The following PPIL4 variants were observed in gnomAD, a reference collection of about 807,000 sequenced individuals.
PPIL4 encodes peptidylprolyl isomerase like 4.
In PPIL4, 50 loss-of-function variants were observed where a neutral mutation model predicts 69.1. That is an observed-to-expected ratio of 0.72 (90% CI 0.58 to 0.92). The LOEUF is 0.92. PPIL4 is among the 40% of genes least tolerant of loss of function. PPIL4 has a pLI of 0.00. For synonymous variants in PPIL4, 193 were observed against 191.6 expected, an observed-to-expected ratio of 1.01 and a Z score of -0.06; for missense variants, 480 against 587.9, an observed-to-expected ratio of 0.82 and a Z score of 1.90.
intron 10 of PPIL4, among the ~76,000 whole-genome samples, chr6:149,519,231 G>A (rs772200233): frequency 2.0e-5 from 3 of 152,212 alleles, no homozygotes; most frequent in African/African-American, 7.2e-5. Context: ...ATCTGTGTAT[G>A]TGACTCTAGG....
At chr6:149,509,580 AAT>A (rs1776812654) in intron 12 of PPIL4, among the ~76,000 whole-genome samples, 1 of 152,256 alleles carries the variant, frequency 6.6e-6, no homozygotes, top group Non-Finnish European at 1.5e-5. Flanking sequence ...AGACTAAAGT[AAT>A]AGAGTACAGA....
intron 4 of PPIL4, among the ~76,000 whole-genome samples, chr6:149,538,402 G>C (rs996554449): frequency 1.3e-5 from 2 of 152,146 alleles, no homozygotes; most frequent in African/African-American, 2.4e-5. Context: ...TGTAGTCCCA[G>C]CTACTCAGGA....
intron 7 of PPIL4, among the ~76,000 whole-genome samples, chr6:149,531,340 G>C (rs1375318888): frequency 7.1e-6 from 1 of 140,578 alleles, no homozygotes; most frequent in African/African-American, 2.7e-5. Context: ...ACTCCAGCCT[G>C]ATAACAGAGC....
intron 10 of PPIL4, among the ~76,000 whole-genome samples, chr6:149,518,249 G>A (rs1411681879): frequency 1.3e-5 from 2 of 152,152 alleles, no homozygotes; most frequent in Non-Finnish European, 2.9e-5. Flanking sequence ...GAAAGGAAGA[G>A]CATTCAATGC....
chr6:149,523,387 A>G (rs1234775100), intron 9 of PPIL4, among the ~76,000 whole-genome samples: 2 of 152,218 alleles, frequency 1.3e-5, no homozygotes, highest in Admixed American at 6.5e-5. Context: ...AAGAATCCTT[A>G]GAGATCAATA....
intron 11 of PPIL4, among the ~76,000 whole-genome samples, chr6:149,513,415 A>G (rs1776891031): frequency 2.1e-5 from 1 of 47,658 alleles, no homozygotes; most frequent in Non-Finnish European, 4.7e-5. Context: ...AAAAAAAAAT[A>G]TATATATATA....
chr6:149,505,554 T>C lies in PPIL4; in HGVS notation c.1378A>G (p.Lys460Glu), dbSNP rs748632952. 2 of 1,614,162 alleles carry C rather than the reference T, an allele frequency of 1.2e-6. No individual in the cohort carries two copies. Among genetic ancestry groups the C allele is most frequent in the South Asian group, 1.1e-5 (1 of 91,084 alleles). ...CTTTCATAAAGATCTGTTTGGTATT[T>C]TGATTTATGACTATTACTATAATGG... ...DGHYSNSHKS[K>E]YQTDLYERER... The change falls in exon 13 of 13, where the codon AAA becomes GAA. Residue 460 changes from lysine to glutamate, a missense_variant. By Grantham distance (56) the Lys-to-Glu change is moderately conservative. Transcript: ENST00000253329.
rs115372734 is a variant in PPIL4 at position 149,541,374 on chromosome 6, T to C, written c.196A>G (p.Ile66Val). The change falls in exon 3 of 13, where the codon ATC becomes GTC. Residue 66 changes from isoleucine to valine, a missense_variant. Ile to Val is a conservative substitution (Grantham distance 29). Coordinates refer to ENST00000253329, the MANE Select transcript of PPIL4 (RefSeq NM_139126.4). ...PTGTGRGGES[I>V]FGQLYGDQAS... is the part of the protein sequence containing the mutation. ...ATAAATAAAACAACTTACCCAAAGA[T>C]AGACTCTCCTCCACGGCCAGTCCCT... The C allele has an allele frequency of 4.8e-4, 652 of 1,360,970 alleles. 1 individual carries two copies. The African/African-American group carries it at 7.5e-3, about 16-fold the overall frequency. 84.3% of individuals were successfully genotyped at this position (1,360,970 alleles called of 1,614,324 possible).
At chr6:149,516,923 A>C (rs1442898066) in intron 11 of PPIL4, 1 of 152,846 alleles carries the variant, frequency 6.5e-6, no homozygotes, top group East Asian at 1.9e-4. Flanking sequence ...GAGGAATAGA[A>C]AACATTACAA....
chr6:149,524,732 T>C (rs1307348453), intron 9 of PPIL4, among the ~76,000 whole-genome samples: 1 of 152,068 alleles, frequency 6.6e-6, no homozygotes, highest in Non-Finnish European at 1.5e-5. Flanking sequence ...AAACCCTGTC[T>C]CTACTAAAAA....
At position 149,505,590 on chromosome 6, in the gene PPIL4, C is replaced by G. The variant is rs1294259921; in HGVS notation, c.1342G>C (p.Glu448Gln). The part of the protein sequence containing the change: ...TQNRSRSRSR[E>Q]RDGHYSNSHK... ...CTATTACTATAATGGCCATCCCTCT[C>G]TCGAGATCGGCTACGACTTCGGTTC... Residue 448 changes from glutamate to glutamine, a missense_variant, in exon 13 of 13, where the codon GAG becomes CAG. Transcript: ENST00000253329. The G allele has an allele frequency of 1.2e-6, 2 of 1,614,172 alleles. No individual in the cohort carries two copies. Among genetic ancestry groups the G allele is most frequent in the Non-Finnish European group, 1.7e-6 (2 of 1,180,030 alleles).
At chr6:149,515,602 G>A (rs1776932541) in intron 11 of PPIL4, among the ~76,000 whole-genome samples, 1 of 152,070 alleles carries the variant, frequency 6.6e-6, no homozygotes, top group Admixed American at 6.6e-5. Context: ...AGCTCTATGT[G>A]GGCAGGAACT....
chr6:149,514,897 C>T (rs573217250), intron 11 of PPIL4, among the ~76,000 whole-genome samples: 29 of 151,494 alleles, frequency 1.9e-4, no homozygotes, highest in Non-Finnish European at 1.8e-4. Flanking sequence ...AGTACAATGG[C>T]GCGATCTTGG....
intron 7 of PPIL4, among the ~76,000 whole-genome samples, chr6:149,528,553 T>C (rs776624457): frequency 4.2e-4 from 64 of 152,294 alleles, no homozygotes; most frequent in Non-Finnish European, 5.9e-4. Flanking sequence ...ACATGGAATA[T>C]GTTAATAAAA....
chr6:149,534,675 T>G lies in PPIL4; in HGVS notation c.561+3A>C, dbSNP rs905281614. ...CATTTAATCATAAGAGGGCTTTACT[T>G]ACATCTAATTGTTCCCTTGTAGGTT... On this transcript the variant is annotated splice_donor_region_variant and intron_variant, in intron 6 of 12. Transcript: ENST00000253329. 16 of 1,453,802 alleles carry G rather than the reference T, an allele frequency of 1.1e-5. No homozygotes were observed. Among genetic ancestry groups the G allele is most frequent in the Non-Finnish European group, 1.5e-5 (16 of 1,047,036 alleles). The allele number at this position is 1,453,802 out of a possible 1,614,324, so 90.1% of individuals were successfully genotyped here.
Position 149,505,520 on chromosome 6 carries a change from C to T in PPIL4, c.1412G>A (p.Ser471Asn). Reference protein sequence around the residue: ...YQTDLYERERSKKRDRSRSPK... With the variant: ...YQTDLYERERNKKRDRSRSPK... ...ACTTCTGCTTCGGTCTCTCTTTTTACTCCTTTCTCTTTCATAAAGATCTGT... is the reference window on the plus strand; with the variant it reads ...ACTTCTGCTTCGGTCTCTCTTTTTATTCCTTTCTCTTTCATAAAGATCTGT... Residue 471 changes from serine (S) to asparagine (N), a missense_variant, in exon 13 of 13, where the codon AGT (serine) becomes AAT (asparagine). Coordinates refer to ENST00000253329, the MANE Select transcript of PPIL4 (RefSeq NM_139126.4). The T allele has an allele frequency of 6.2e-7, 1 of 1,613,904 alleles. No homozygotes were observed. Among genetic ancestry groups the T allele is most frequent in the East Asian group, 2.2e-5 (1 of 44,866 alleles).
At chr6:149,534,853 A>T in intron 5 of PPIL4, 79 bp from the exon 6 acceptor site, 2 of 855,408 alleles carry the variant, frequency 2.3e-6, no homozygotes, top group Non-Finnish European at 3.5e-6. Context: ...GATTACAAAA[A>T]ATTACTTGAT....
At chr6:149,528,968 C>T (rs141812909) in intron 7 of PPIL4, among the ~76,000 whole-genome samples, 1,662 of 152,284 alleles carry the variant, frequency 0.011, 26 homozygotes, top group African/African-American at 0.038. Context: ...GTGGCTCACG[C>T]CTGTAATCCC....
intron 10 of PPIL4, among the ~76,000 whole-genome samples, chr6:149,520,443 A>G (rs1777011366): frequency 6.6e-6 from 1 of 152,190 alleles, no homozygotes; most frequent in Non-Finnish European, 1.5e-5. Flanking sequence ...AAAACACCAT[A>G]AAGTCAAAAT....
Sources: gnomAD v4.1 joint callset for allele counts (sites outside exome capture counted in the v4.1 genomes callset) on GRCh38, gnomAD v4.1.1 for gene constraint, MANE v1.5 for transcripts, NCBI Gene and HGNC (gene_info 2026-07-23, HGNC 2026-07-21) for gene names.